Variants in SLCO4A1 observed in about 807,000 individuals in gnomAD.
The protein encoded by SLCO4A1 is colon organic anion transporter.
In SLCO4A1, 51 loss-of-function variants were observed where a neutral mutation model predicts 64.6. The observed-to-expected ratio is 0.79, with a 90% CI of 0.63 to 1.00. The LOEUF is 1.00. SLCO4A1 is among the 50% of genes least tolerant of loss of function. The pLI is 0.00. For missense variants in SLCO4A1, 919 were observed against 980.5 expected (o/e 0.94, Z 0.84); for synonymous variants, 471 against 444.9 (o/e 1.06, Z -0.74).
intron 5 of SLCO4A1, among the ~76,000 whole-genome samples, chr20:62,663,956 C>T (rs1233264548): frequency 6.6e-6 from 1 of 152,206 alleles, no homozygotes; most frequent in Non-Finnish European, 1.5e-5. Flanking sequence ...CTGCTCAGGC[C>T]TCCAATGCTA....
In SLCO4A1 at chr20:62,656,709, G is replaced by A. The variant is rs193109446; in HGVS notation, c.255G>A (p.Ala85=). 24 of 1,610,550 alleles carry A rather than the reference G, an allele frequency of 1.5e-5. No homozygotes were observed. Among genetic ancestry groups the A allele is most frequent in the Admixed American group, 1.2e-4 (7 of 59,830 alleles). Reference sequence around the variant, plus strand: ...ACGTCTCGGCCGGGCAGAGCGTGGCGTGCGGCTGGTGGGCCTTCGCACCGC... The same window carrying A: ...ACGTCTCGGCCGGGCAGAGCGTGGCATGCGGCTGGTGGGCCTTCGCACCGC... ...VRYVSAGQSV[A]CGWWAFAPPC... The change falls in exon 2 of 12, where the codon GCG becomes GCA. Residue 85 remains alanine, a synonymous_variant. Transcript: ENST00000217159.
chr20:62,666,143 C>CTTCCCG (rs1986280548), intron 6 of SLCO4A1: 1 of 151,858 alleles, frequency 6.6e-6, no homozygotes, highest in African/African-American at 2.6e-5. Context: ...TCCCCTTCCC[C>CTTCCCG]TTCCCCTTCC....
At chr20:62,681,536 T>G (rs1475859407) in intron 2 of SLCO4A1, among the ~76,000 whole-genome samples, 1 of 61,160 alleles carries the variant, frequency 1.6e-5, no homozygotes, top group African/African-American at 7.7e-5. Flanking sequence ...GTGTACACAC[T>G]CGTGTGTGTA....
chr20:62,676,153 G>A (rs900028245), downstream of SLCO4A1, among the ~76,000 whole-genome samples: 7 of 152,168 alleles, frequency 4.6e-5, no homozygotes, highest in Non-Finnish European at 8.8e-5. Context: ...GCCAGCGCAC[G>A]CCTATAATCC....
chr20:62,670,059 A>T (rs1987007959), intron 11 of SLCO4A1: 1 of 152,220 alleles, frequency 6.6e-6, no homozygotes, highest in Non-Finnish European at 1.5e-5. Context: ...GTCTGGTGAG[A>T]TCTTGATCTG....
chr20:62,646,410 G>A (rs1981336843), intron 1 of SLCO4A1, among the ~76,000 whole-genome samples: 2 of 152,382 alleles, frequency 1.3e-5, no homozygotes, highest in African/African-American at 4.8e-5. Flanking sequence ...AAAGAGAGCT[G>A]TGAACACCAC....
rs775635124 is a variant in SLCO4A1, at chr20:62,656,704, G to A, written c.250G>A (p.Val84Met). ...GCGGTACGTCTCGGCCGGGCAGAGC[G>A]TGGCGTGCGGCTGGTGGGCCTTCGC... Reference protein sequence around the residue: ...EVRYVSAGQSVACGWWAFAPP... With the variant: ...EVRYVSAGQSMACGWWAFAPP... The change falls in exon 2 of 12, where the codon GTG (valine) becomes ATG (methionine). Residue 84 changes from valine (V) to methionine (M), a missense_variant. By Grantham distance (21) the Val-to-Met change is conservative. Coordinates refer to ENST00000217159, the MANE Select transcript of SLCO4A1 (RefSeq NM_016354.4). 1.6e-5 allele frequency: 25 copies of A among 1,610,144 alleles called. No homozygotes were observed. The highest frequency in any genetic ancestry group is 5.3e-5 in the African/African-American group (4 of 74,866).
intron 11 of SLCO4A1, 109 bp from the exon 12 acceptor site, chr20:62,671,641 G>T: frequency 1.0e-6 from 1 of 1,000,672 alleles, no homozygotes. Flanking sequence ...CCGTGGACCT[G>T]GTGAGGGTGC....
At chr20:62,683,294 C>T (rs534592041) in intron 2 of SLCO4A1, among the ~76,000 whole-genome samples, 25 of 152,206 alleles carry the variant, frequency 1.6e-4, no homozygotes, top group Middle Eastern at 6.8e-3. Context: ...CGGGAGCGGC[C>T]GTGACGGAGC....
rs780537346 is a variant in SLCO4A1, at chr20:62,672,028, G to T, written c.*135G>T. ...TCTACTTAACCTGTGGTTTAAAGTC[G>T]GCTGTGACCTCCTGTCCCCAGAGCT... is the stretch of plus-strand genomic sequence containing the variant. On this transcript the variant is annotated 3_prime_UTR_variant, in exon 12 of 12. Coordinates refer to ENST00000217159, the MANE Select transcript of SLCO4A1 (RefSeq NM_016354.4). 5.1e-6 allele frequency: 8 copies of T among 1,565,310 alleles called. No individual in the cohort carries two copies. Among genetic ancestry groups the T allele is most frequent in the Non-Finnish European group, 6.0e-6 (7 of 1,161,110 alleles).
intron 1 of SLCO4A1, chr20:62,650,178 C>G (rs1372148021): frequency 2.6e-5 from 4 of 152,276 alleles, no homozygotes; most frequent in African/African-American, 9.7e-5. Context: ...GAAGCTGACG[C>G]ACCTTTTTGT....
intron 1 of SLCO4A1, among the ~76,000 whole-genome samples, chr20:62,654,386 G>A (rs1012263159): frequency 6.6e-6 from 1 of 152,240 alleles, no homozygotes; most frequent in Non-Finnish European, 1.5e-5. Context: ...AACACGGGGG[G>A]CACCGGTCCG....
downstream of SLCO4A1, among the ~76,000 whole-genome samples, chr20:62,689,736 A>G (rs1988172034): frequency 6.6e-6 from 1 of 152,238 alleles, no homozygotes; most frequent in African/African-American, 2.4e-5. Context: ...GCGGGGGCTC[A>G]GGCAGAGCTG....
downstream of SLCO4A1, among the ~76,000 whole-genome samples, chr20:62,676,754 T>C (rs974613135): frequency 8.5e-4 from 129 of 152,362 alleles, no homozygotes; most frequent in African/African-American, 2.9e-3. Context: ...AAGTTAACCA[T>C]GGAATTAGCA....
chr20:62,678,846 C>G (rs1987704992), intron 2 of SLCO4A1, among the ~76,000 whole-genome samples: 1 of 152,144 alleles, frequency 6.6e-6, no homozygotes, highest in South Asian at 2.1e-4. Context: ...ACAACAGCTT[C>G]CAAAAGGCAA....
chr20:62,656,296 C>A, intron 1 of SLCO4A1, 63 bp from the exon 2 acceptor site: 1 of 633,912 alleles, frequency 1.6e-6, no homozygotes, highest in South Asian at 2.2e-5. Flanking sequence ...TGGAATGTTC[C>A]CTCCTGGATG....
chr20:62,682,434 C>T lies in SLCO4A1; in HGVS notation n.212-3007C>T, dbSNP rs1987875244. 2.0e-5 allele frequency among the ~76,000 whole-genome samples: 3 copies of T among 152,186 alleles called. No individual in the cohort carries two copies. In the South Asian group the frequency reaches 6.2e-4, roughly 32 times the overall value. On this transcript the variant is annotated intron_variant and non_coding_transcript_variant, in intron 2 of 2. Coordinates refer to the SLCO4A1 transcript ENST00000466818. ...ATGGCACTTTCCCCAAATGCCCATG[C>T]ATTTGGACACATGAGTGTGGAGACC...
At chr20:62,648,183 G>T (rs964456563) in intron 1 of SLCO4A1, among the ~76,000 whole-genome samples, 1 of 152,276 alleles carries the variant, frequency 6.6e-6, no homozygotes, top group Non-Finnish European at 1.5e-5. Context: ...CTGCGGGGTT[G>T]TTGTGGGTTA....
intron 2 of SLCO4A1, among the ~76,000 whole-genome samples, chr20:62,657,490 G>A (rs1277036930): frequency 1.3e-5 from 2 of 152,372 alleles, no homozygotes; most frequent in East Asian, 1.9e-4. Context: ...CGCTGTGCCC[G>A]GGAGCCTCAG....
Sources: allele counts gnomAD v4.1 joint callset (sites outside exome capture counted in the v4.1 genomes callset), GRCh38; gene constraint gnomAD v4.1.1; transcripts MANE v1.5; gene names NCBI Gene and HGNC (gene_info 2026-07-23, HGNC 2026-07-21).